Variants in TAFA1 observed in about 807,000 individuals in gnomAD.
The protein encoded by TAFA1 is TAFA chemokine like family member 1.
In TAFA1, 4 loss-of-function variants were observed where a neutral mutation model predicts 18.5. That is an observed-to-expected ratio of 0.22 (90% CI 0.11 to 0.49). The LOEUF (loss-of-function observed/expected upper bound fraction) is 0.49, where lower values mean the gene tolerates loss of function less well. Among genes scored for constraint, TAFA1 ranks in the 20% least tolerant of loss-of-function variants. The probability of loss-of-function intolerance (pLI) is 0.98; values close to 1 mark genes in which losing one functional copy is unlikely to be tolerated. For synonymous variants in TAFA1, 56 were observed against 55.2 expected (o/e 1.01, Z -0.06); for missense variants, 147 against 169.0 (o/e 0.87, Z 0.72).
intron 2 of TAFA1, among the ~76,000 whole-genome samples, chr3:68,323,343 C>T (rs1441019951): frequency 2.6e-5 from 4 of 152,078 alleles, no homozygotes; most frequent in African/African-American, 9.7e-5. Context: ...TTCACGTGGC[C>T]AGAACTAGAG....
intron 2 of TAFA1, among the ~76,000 whole-genome samples, chr3:68,097,563 G>A (rs183959092): frequency 2.0e-5 from 3 of 152,152 alleles, no homozygotes; most frequent in East Asian, 1.9e-4. Flanking sequence ...AATCCATGTC[G>A]ATTTAATGAT....
intron 3 of TAFA1, among the ~76,000 whole-genome samples, chr3:68,419,266 A>G (rs1053569597): frequency 6.6e-6 from 1 of 152,322 alleles, no homozygotes; most frequent in East Asian, 1.9e-4. Context: ...CTGGAAGACC[A>G]GCAGTCAGGG....
chr3:68,294,872 G>A lies in TAFA1; in HGVS notation c.119-122408G>A, dbSNP rs144821467. Among the ~76,000 whole-genome samples the A allele has an allele frequency of 3.9e-5, 6 of 152,202 alleles. No individual in the cohort carries two copies. The East Asian group carries it at 1.2e-3, about 29-fold the overall frequency. ...AGCCTGGGCAACAGAGAGAGATCGT[G>A]TCTCAATTAAAAAAAGAAAAAATTT... On this transcript the variant is annotated intron_variant, in intron 2 of 4. Transcript: ENST00000478136.
upstream of TAFA1, among the ~76,000 whole-genome samples, chr3:67,999,287 C>CTG (rs796820506): frequency 5.7e-3 from 843 of 147,708 alleles, 15 homozygotes; most frequent in African/African-American, 0.02. Context: ...CCCCCTCTCT[C>CTG]TGTGTGTGTG....
chr3:68,249,400 C>G (rs1369054896), intron 2 of TAFA1, among the ~76,000 whole-genome samples: 1 of 152,140 alleles, frequency 6.6e-6, no homozygotes, highest in African/African-American at 2.4e-5. Context: ...CTGTTTTAGT[C>G]ACAGCTCTGA....
intron 2 of TAFA1, among the ~76,000 whole-genome samples, chr3:68,142,405 C>A (rs2065678028): frequency 6.6e-6 from 1 of 152,180 alleles, no homozygotes; most frequent in African/African-American, 2.4e-5. Flanking sequence ...TTAAAGGACG[C>A]CTTTCATCCA....
At chr3:68,441,131 G>C (rs1421155053) in intron 3 of TAFA1, among the ~76,000 whole-genome samples, 4 of 152,136 alleles carry the variant, frequency 2.6e-5, no homozygotes, top group Admixed American at 6.5e-5. Flanking sequence ...GGCCTATTTG[G>C]ATTTTGGAGG....
chr3:68,468,497 T>C (rs1441411656), intron 3 of TAFA1, among the ~76,000 whole-genome samples: 4 of 152,174 alleles, frequency 2.6e-5, no homozygotes, highest in Non-Finnish European at 5.9e-5. Context: ...AGGCTTTGCT[T>C]CCTGCATTTA....
At chr3:68,082,488 T>C (rs1295561855) in intron 2 of TAFA1, among the ~76,000 whole-genome samples, 1 of 152,230 alleles carries the variant, frequency 6.6e-6, no homozygotes, top group Non-Finnish European at 1.5e-5. Context: ...AATATAACAT[T>C]TTCTAGCTTT....
chr3:68,052,627 CA>C (rs1197896656), intron 2 of TAFA1, among the ~76,000 whole-genome samples: 1 of 152,180 alleles, frequency 6.6e-6, no homozygotes, highest in East Asian at 1.9e-4. Flanking sequence ...CCTATTTGGA[CA>C]TCTTCATTCA....
chr3:68,283,801 GT>G (rs1436289231), intron 2 of TAFA1, among the ~76,000 whole-genome samples: 3 of 152,148 alleles, frequency 2.0e-5, no homozygotes, highest in East Asian at 3.9e-4. Flanking sequence ...GCATGTGTCT[GT>G]TTTTATCAGC....
chr3:68,163,815 G>A (rs1164461485), intron 2 of TAFA1, among the ~76,000 whole-genome samples: 1 of 152,318 alleles, frequency 6.6e-6, no homozygotes, highest in East Asian at 1.9e-4. Context: ...TCTACTAGAA[G>A]GATGGGAAGG....
intron 2 of TAFA1, among the ~76,000 whole-genome samples, chr3:68,168,775 A>G (rs995986089): frequency 2.6e-5 from 4 of 152,152 alleles, no homozygotes; most frequent in Non-Finnish European, 5.9e-5. Flanking sequence ...TTAAGAATTT[A>G]TTGGGACAAA....
intron 2 of TAFA1, among the ~76,000 whole-genome samples, chr3:68,391,541 C>T (rs747676580): frequency 7.9e-5 from 12 of 151,986 alleles, no homozygotes; most frequent in East Asian, 1.9e-4. Context: ...GAAGAGCAAC[C>T]GTAAGACACA....
At chr3:68,105,306 C>A (rs1241366777) in intron 2 of TAFA1, among the ~76,000 whole-genome samples, 5 of 152,124 alleles carry the variant, frequency 3.3e-5, no homozygotes, top group African/African-American at 9.7e-5. Context: ...GGCACACATT[C>A]CAGTAGTACC....
chr3:68,308,003 A>G (rs1197082317), intron 2 of TAFA1, among the ~76,000 whole-genome samples: 1 of 152,160 alleles, frequency 6.6e-6, no homozygotes, highest in African/African-American at 2.4e-5. Context: ...ACTATTGCCA[A>G]GTGTTGAATA....
chr3:68,487,495 C>G (rs1277236227), intron 3 of TAFA1, among the ~76,000 whole-genome samples: 1 of 152,020 alleles, frequency 6.6e-6, no homozygotes, highest in East Asian at 1.9e-4. Context: ...CACCTGTAAT[C>G]CTAGCACTTT....
intron 2 of TAFA1, among the ~76,000 whole-genome samples, chr3:68,339,522 A>C (rs1273985102): frequency 6.6e-6 from 1 of 152,228 alleles, no homozygotes; most frequent in African/African-American, 2.4e-5. Flanking sequence ...CATGAGAAAC[A>C]GAGGCAATCT....
At chr3:68,208,454 G>C (rs542876177) in intron 2 of TAFA1, among the ~76,000 whole-genome samples, 46 of 152,026 alleles carry the variant, frequency 3.0e-4, no homozygotes, top group African/African-American at 1.1e-3. Context: ...TTTAAGAAAA[G>C]AAATGACTCA....
Sources: allele counts gnomAD v4.1 joint callset (sites outside exome capture counted in the v4.1 genomes callset), GRCh38; gene constraint gnomAD v4.1.1; transcripts MANE v1.5; gene names NCBI Gene and HGNC (gene_info 2026-07-23, HGNC 2026-07-21).